GSG1L: variants seen among roughly 807,000 people sequenced by gnomAD.
GSG1L encodes the protein GSG1 like.
In GSG1L, 24 loss-of-function variants were observed where a neutral mutation model predicts 42.1. The ratio of observed to expected loss-of-function variants is 0.57; its 90% CI spans 0.41 to 0.80. The LOEUF is 0.80. Ranked by LOEUF, GSG1L falls within the 30% of genes least tolerant of loss-of-function variation. The pLI, the probability that GSG1L is intolerant of heterozygous loss-of-function variation, is 0.00. For synonymous variants in GSG1L, 215 were observed against 203.5 expected (o/e 1.06, Z -0.48); for missense variants, 445 against 472.2 (o/e 0.94, Z 0.53).
At chr16:28,052,028 G>A (rs2086227148) in intron 1 of GSG1L, among the ~76,000 whole-genome samples, 1 of 152,156 alleles carries the variant, frequency 6.6e-6, no homozygotes, top group East Asian at 1.9e-4. Flanking sequence ...CTCTGGATGT[G>A]TTTGGGAAAA....
At chr16:27,921,073 G>T (rs905939367) in intron 2 of GSG1L, among the ~76,000 whole-genome samples, 3 of 152,098 alleles carry the variant, frequency 2.0e-5, no homozygotes, top group African/African-American at 7.2e-5. Context: ...CATTTGCTGT[G>T]ACCAGAGCCA....
At chr16:27,943,157 T>A (rs1291396897) in intron 2 of GSG1L, among the ~76,000 whole-genome samples, 1 of 151,910 alleles carries the variant, frequency 6.6e-6, no homozygotes, top group Admixed American at 6.6e-5. Flanking sequence ...TGGCCTCAAG[T>A]GATCCTCCTG....
chr16:28,057,895 T>C (rs1243725835), intron 1 of GSG1L, among the ~76,000 whole-genome samples: 1 of 152,224 alleles, frequency 6.6e-6, no homozygotes, highest in Non-Finnish European at 1.5e-5. Context: ...AACCCTGTGA[T>C]GGGTCATGGG....
At chr16:27,859,011 C>G (rs1277788087) in intron 3 of GSG1L, among the ~76,000 whole-genome samples, 1 of 151,998 alleles carries the variant, frequency 6.6e-6, no homozygotes, top group African/African-American at 2.4e-5. Flanking sequence ...CAGGAAGAGA[C>G]CAAGTGTGTT....
intron 3 of GSG1L, chr16:27,863,160 C>T (rs561041190): frequency 5.4e-4 from 82 of 152,168 alleles, no homozygotes; most frequent in Middle Eastern, 6.8e-3. Flanking sequence ...ATGCTTATGA[C>T]GACATATTTT....
intron 2 of GSG1L, among the ~76,000 whole-genome samples, chr16:27,943,643 C>T (rs911380533): frequency 5.7e-5 from 7 of 123,028 alleles, no homozygotes; most frequent in South Asian, 2.7e-4. Flanking sequence ...GGTGCAATCT[C>T]GACTCACTGC....
intron 1 of GSG1L, among the ~76,000 whole-genome samples, chr16:28,007,571 G>A (rs1028273763): frequency 2.6e-5 from 4 of 152,018 alleles, no homozygotes; most frequent in Admixed American, 6.6e-5. Context: ...GGAGTGCAGC[G>A]GTGCCATCAC....
At chr16:27,947,540 G>GGAAAGAAAGAAAGAAAGAAAGAAA (rs773407925) in intron 2 of GSG1L, among the ~76,000 whole-genome samples, 11 of 97,096 alleles carry the variant, frequency 1.1e-4, no homozygotes, top group African/African-American at 1.6e-4. Context: ...AAAGAATGAA[G>GGAAAGAAAGAAAGAAAGAAAGAAA]GAAAGAAAGA....
chr16:27,947,716 C>A (rs137896791), intron 2 of GSG1L, among the ~76,000 whole-genome samples: 1 of 152,066 alleles, frequency 6.6e-6, no homozygotes, highest in African/African-American at 2.4e-5. Flanking sequence ...AGGGAAGTTG[C>A]CCCAGAGACA....
chr16:27,898,723 G>GGT (rs1275788893), intron 2 of GSG1L, among the ~76,000 whole-genome samples: 6 of 147,286 alleles, frequency 4.1e-5, no homozygotes, highest in South Asian at 2.2e-4. Context: ...TTTCTCTCTG[G>GGT]GTGTGTGTGT....
chr16:27,885,720 T>C (rs1303222546), intron 2 of GSG1L, among the ~76,000 whole-genome samples: 1 of 152,236 alleles, frequency 6.6e-6, no homozygotes, highest in African/African-American at 2.4e-5. Context: ...ACCACTGAAG[T>C]AGACCAGGAA....
chr16:27,806,570 C>T (rs1353832690), intron 6 of GSG1L, among the ~76,000 whole-genome samples: 6 of 152,170 alleles, frequency 3.9e-5, no homozygotes, highest in Non-Finnish European at 8.8e-5. Context: ...CAGGGGGATC[C>T]CACTCCAGGG....
chr16:27,881,992 A>G (rs2083963006), intron 3 of GSG1L, among the ~76,000 whole-genome samples: 1 of 151,960 alleles, frequency 6.6e-6, no homozygotes, highest in Non-Finnish European at 1.5e-5. Flanking sequence ...TCCACCCTGA[A>G]CCCAGAGAGA....
At position 27,922,982 on chromosome 16, in the gene GSG1L, T is replaced by G. The variant is rs781501483; in HGVS notation, c.398-38344A>C. Among the ~76,000 whole-genome samples the G allele has an allele frequency of 2.6e-5, 4 of 152,086 alleles. No homozygotes were observed. The South Asian group carries it at 8.3e-4, about 32-fold the overall frequency. ...TTCTTATTTTTTGTAGAGAAGGAGTTTCACTATATTGCCCAGGCTGGTCTG... is the reference window on the plus strand; with the variant it reads ...TTCTTATTTTTTGTAGAGAAGGAGTGTCACTATATTGCCCAGGCTGGTCTG... On this transcript the variant is annotated intron_variant, in intron 2 of 6. Transcript: ENST00000447459.
intron 2 of GSG1L, chr16:27,888,164 A>T: frequency 3.0e-6 from 3 of 984,024 alleles, no homozygotes; most frequent in Non-Finnish European, 3.6e-6. Flanking sequence ...TGCCTCCCCC[A>T]CGCAGCCCCC....
chr16:28,034,106 ACCCATCCCAACACAT>A (rs1296902541), intron 1 of GSG1L, among the ~76,000 whole-genome samples: 1 of 148,422 alleles, frequency 6.7e-6, no homozygotes, highest in Non-Finnish European at 1.5e-5. Context: ...TCCTATCCCA[ACCCATCCCAACACAT>A]CCCATCCCAT....
chr16:27,913,256 T>G (rs1396887946), intron 2 of GSG1L, among the ~76,000 whole-genome samples: 1 of 152,226 alleles, frequency 6.6e-6, no homozygotes, highest in African/African-American at 2.4e-5. Context: ...ATACAGTGTA[T>G]TTAATGATAC....
At chr16:27,990,462 T>C (rs1333025418) in intron 1 of GSG1L, among the ~76,000 whole-genome samples, 1 of 152,218 alleles carries the variant, frequency 6.6e-6, no homozygotes, top group Non-Finnish European at 1.5e-5. Context: ...GAATGGTGTA[T>C]TTTTAGATAT....
intron 4 of GSG1L, among the ~76,000 whole-genome samples, chr16:27,842,081 AATTTCACATCAGTAGCACGATGTCGCGCG>A (rs2083389416): frequency 6.6e-6 from 1 of 151,068 alleles, no homozygotes; most frequent in African/African-American, 2.4e-5. Context: ...GCGCGTGCCG[AATTTCACATCAGTAGCACGATGTCGCGCG>A]TGCCGAATTT....
Sources: allele counts gnomAD v4.1 joint callset (sites outside exome capture counted in the v4.1 genomes callset), GRCh38; gene constraint gnomAD v4.1.1; transcripts MANE v1.5; gene names NCBI Gene and HGNC (gene_info 2026-07-23, HGNC 2026-07-21).